SUGCT: variants seen among roughly 807,000 people sequenced by gnomAD.
SUGCT encodes the protein succinyl-CoA:glutarate-CoA transferase, also known as succinyl-CoA:glutarate CoA-transferase.
Under a neutral mutation model 55.0 loss-of-function variants are expected in SUGCT, and 41 were observed. That is an observed-to-expected ratio of 0.74 (90% CI 0.58 to 0.97). The LOEUF (loss-of-function observed/expected upper bound fraction) is 0.97, where lower values mean the gene tolerates loss of function less well. Ranked by LOEUF, SUGCT falls within the 50% of genes least tolerant of loss-of-function variation. The pLI is 0.00. For missense variants in SUGCT, 568 were observed against 547.8 expected, an observed-to-expected ratio of 1.04 and a Z score of -0.37; for synonymous variants, 187 against 200.4, an observed-to-expected ratio of 0.93 and a Z score of 0.56.
the SUGCT span, among the ~76,000 whole-genome samples, chr7:41,037,405 T>C: frequency 6.6e-6 from 1 of 151,846 alleles, no homozygotes; most frequent in South Asian, 2.1e-4. Context: ...ATTAGGTGAG[T>C]TGTGTTAAGC....
chr7:40,379,756 C>T (rs1014470825), intron 9 of SUGCT, among the ~76,000 whole-genome samples: 3 of 152,112 alleles, frequency 2.0e-5, no homozygotes, highest in African/African-American at 7.2e-5. Flanking sequence ...CTCTTTATTG[C>T]ACAGAGCCTC....
intron 13 of SUGCT, among the ~76,000 whole-genome samples, chr7:40,780,487 C>T (rs547723722): frequency 7.6e-4 from 115 of 152,256 alleles, no homozygotes; most frequent in Non-Finnish European, 1.2e-3. Context: ...CTGCTGATCC[C>T]TCTGTCCTCT....
the SUGCT span, among the ~76,000 whole-genome samples, chr7:40,923,788 C>G: frequency 6.6e-6 from 1 of 152,146 alleles, no homozygotes; most frequent in African/African-American, 2.4e-5. Flanking sequence ...TTCTTCTAGT[C>G]TTTATTTCTT....
chr7:40,594,248 C>T (rs994250902), intron 12 of SUGCT, among the ~76,000 whole-genome samples: 5 of 150,850 alleles, frequency 3.3e-5, no homozygotes, highest in Non-Finnish European at 5.9e-5. Flanking sequence ...GTGGGTGCAG[C>T]GCACCAGCAT....
chr7:40,898,488 G>A, the SUGCT span, among the ~76,000 whole-genome samples: 1 of 85,242 alleles, frequency 1.2e-5, no homozygotes. Flanking sequence ...GTCGGGGGGG[G>A]GGGGGGGGGT....
intron 12 of SUGCT, among the ~76,000 whole-genome samples, chr7:40,591,638 G>A (rs1292608348): frequency 6.6e-6 from 1 of 152,134 alleles, no homozygotes; most frequent in Non-Finnish European, 1.5e-5. Flanking sequence ...AATCAATGCA[G>A]TAAACTTCAT....
intron 8 of SUGCT, among the ~76,000 whole-genome samples, chr7:40,277,677 G>GTTATTATTATTATTA (rs55772430): frequency 0.018 from 2,653 of 144,852 alleles, 45 homozygotes; most frequent in East Asian, 0.043. Context: ...TGTTCTTTTT[G>GTTATTATTATTATTA]TTATTATTAT....
At chr7:40,735,898 C>T (rs1200697223) in intron 12 of SUGCT, among the ~76,000 whole-genome samples, 1 of 151,996 alleles carries the variant, frequency 6.6e-6, no homozygotes, top group Non-Finnish European at 1.5e-5. Flanking sequence ...GCCCAAAAAC[C>T]ACCAAACAGA....
intron 1 of SUGCT, among the ~76,000 whole-genome samples, chr7:40,160,777 T>A (rs1186177005): frequency 6.6e-6 from 1 of 152,062 alleles, no homozygotes; most frequent in East Asian, 1.9e-4. Flanking sequence ...AGTCATTAAA[T>A]AAGTACAAAT....
At chr7:40,256,372 G>A (rs1038961357) in intron 7 of SUGCT, among the ~76,000 whole-genome samples, 4 of 152,146 alleles carry the variant, frequency 2.6e-5, no homozygotes, top group Non-Finnish European at 1.5e-5. Context: ...AGATTCCATA[G>A]TAAGACCCAT....
intron 12 of SUGCT, among the ~76,000 whole-genome samples, chr7:40,586,398 T>C (rs1319488517): frequency 6.6e-6 from 1 of 152,146 alleles, no homozygotes; most frequent in Non-Finnish European, 1.5e-5. Context: ...TAAAGCCACA[T>C]GTAAGTAGTG....
intron 9 of SUGCT, among the ~76,000 whole-genome samples, chr7:40,383,778 G>A (rs189200050): frequency 2.0e-5 from 3 of 152,304 alleles, no homozygotes; most frequent in South Asian, 2.1e-4. Context: ...AATGGACTGC[G>A]TGATCAAAGC....
chr7:40,484,655 A>G (rs1242749686), intron 11 of SUGCT, among the ~76,000 whole-genome samples: 2 of 152,198 alleles, frequency 1.3e-5, no homozygotes, highest in African/African-American at 4.8e-5. Context: ...AGTTTCCTAA[A>G]TCATGAAGAT....
At chr7:40,634,874 G>A (rs1191490935) in intron 12 of SUGCT, among the ~76,000 whole-genome samples, 3 of 152,176 alleles carry the variant, frequency 2.0e-5, no homozygotes, top group Non-Finnish European at 2.9e-5. Context: ...AATGAATACA[G>A]CCAATAACTC....
At position 40,610,608 on chromosome 7, in the gene SUGCT, G is replaced by C. The variant is rs140789111; in HGVS notation, c.1089+114222G>C. Among the ~76,000 whole-genome samples, 268 of 152,264 alleles carry C rather than the reference G, an allele frequency of 1.8e-3. 1 individual carries two copies. Among genetic ancestry groups the C allele is most frequent in the Non-Finnish European group, 3.0e-3 (205 of 68,020 alleles). On this transcript the variant is annotated intron_variant, in intron 12 of 13. Coordinates refer to ENST00000335693, the MANE Select transcript of SUGCT (RefSeq NM_001193313.2). ...GATTCAGACATTCGACTTGTAACGCGTAATGGTTCAACTTACACCTCATCT... is the reference window on the plus strand; with the variant it reads ...GATTCAGACATTCGACTTGTAACGCCTAATGGTTCAACTTACACCTCATCT...
chr7:40,899,186 C>T, the SUGCT span, among the ~76,000 whole-genome samples: 3 of 152,176 alleles, frequency 2.0e-5, no homozygotes, highest in African/African-American at 7.2e-5. Flanking sequence ...GTGCACAGCT[C>T]TTGACCTTTC....
rs1351675805 is a variant in SUGCT, at chr7:40,245,416, TATA to T, written c.576+7691_576+7693del. Among the ~76,000 whole-genome samples, 112 of 30,248 alleles carry T rather than the reference TATA, an allele frequency of 3.7e-3. 7 individuals carry two copies. The highest frequency in any genetic ancestry group is 6.7e-3 in the Admixed American group (14 of 2,084). 19.8% of individuals were successfully genotyped at this position (30,248 alleles called of 152,430 possible). A position where few individuals can be genotyped will look rare whatever the true frequency, so the allele number is the denominator to read the frequency against. ...GGTACGTAGTAGACATATATATATA[TATA>T]TATATTTTTTTTTTTTTTTTTTTTT... On this transcript the variant is annotated intron_variant, in intron 7 of 13. Coordinates refer to ENST00000335693, the MANE Select transcript of SUGCT (RefSeq NM_001193313.2).
intron 11 of SUGCT, among the ~76,000 whole-genome samples, chr7:40,478,870 A>G (rs1461022926): frequency 6.6e-6 from 1 of 152,170 alleles, no homozygotes; most frequent in Non-Finnish European, 1.5e-5. Flanking sequence ...AATATACCAT[A>G]TAATGTCAAA....
chr7:40,786,225 G>T (rs1302082831), intron 13 of SUGCT, among the ~76,000 whole-genome samples: 1 of 152,200 alleles, frequency 6.6e-6, no homozygotes, highest in Non-Finnish European at 1.5e-5. Context: ...TCAGACATGT[G>T]TGTTGACAAT....
Sources: gnomAD v4.1 joint callset for allele counts (sites outside exome capture counted in the v4.1 genomes callset) on GRCh38, gnomAD v4.1.1 for gene constraint, MANE v1.5 for transcripts, NCBI Gene and HGNC (gene_info 2026-07-23, HGNC 2026-07-21) for gene names.